EPB41L5: variants seen among roughly 807,000 people sequenced by gnomAD.
The protein encoded by EPB41L5 is erythrocyte membrane protein band 4.1 like 5.
In EPB41L5, 55 loss-of-function variants were observed where a neutral mutation model predicts 106.6. The observed-to-expected ratio is 0.52, with a 90% CI of 0.42 to 0.65. The LOEUF (loss-of-function observed/expected upper bound fraction) is 0.65. Ranked by LOEUF, EPB41L5 falls within the 30% of genes least tolerant of loss-of-function variation. The probability of loss-of-function intolerance (pLI) is 0.00; values close to 1 mark genes in which losing one functional copy is unlikely to be tolerated. For synonymous variants in EPB41L5, 297 were observed against 306.7 expected (o/e 0.97, Z 0.33); for missense variants, 871 against 882.1 (o/e 0.99, Z 0.16).
chr2:120,115,355 T>C (rs1684899339), intron 16 of EPB41L5, among the ~76,000 whole-genome samples: 1 of 152,190 alleles, frequency 6.6e-6, no homozygotes, highest in Admixed American at 6.5e-5. Context: ...TTGTGTTAAG[T>C]AGATATGTTC....
intron 1 of EPB41L5, among the ~76,000 whole-genome samples, chr2:120,018,515 T>G (rs1381990086): frequency 6.6e-6 from 1 of 152,212 alleles, no homozygotes; most frequent in Non-Finnish European, 1.5e-5. Context: ...CTTTTTAAAT[T>G]AATTAATTTA....
rs557706733 is a variant in EPB41L5, at chr2:120,080,231, T to C, written c.803+1650T>C. ...CGATTAACTCGTCATTTACATTAGG[T>C]ATATCTCCTAATGCTATCCCTCCCC... On this transcript the variant is annotated intron_variant, in intron 10 of 24. Transcript: ENST00000263713. 3.9e-5 allele frequency among the ~76,000 whole-genome samples: 6 copies of C among 152,140 alleles called. No homozygotes were observed. In the East Asian group the frequency reaches 9.7e-4, roughly 25 times the overall value.
chr2:120,019,500 CAG>C lies in EPB41L5; in HGVS notation c.180+237_180+238del, dbSNP rs1391307274. Among the ~76,000 whole-genome samples, 6 of 152,254 alleles carry C rather than the reference CAG, an allele frequency of 3.9e-5. No homozygotes were observed. In the East Asian group the frequency reaches 1.2e-3, roughly 29 times the overall value. ...GCGATTACCTGAAACATTTAAATGA[CAG>C]GGCAGTTATTGGCATGAGTCTGTTT... On this transcript the variant is annotated intron_variant, in intron 2 of 24. Transcript: ENST00000263713.
chr2:120,106,780 A>G (rs2105415923), intron 16 of EPB41L5: 3 of 985,428 alleles, frequency 3.0e-6, no homozygotes, highest in Admixed American at 6.1e-5. Context: ...TCATAAGATC[A>G]TCGTCTCTTT....
At chr2:120,141,108 G>A (rs1686154686) in intron 18 of EPB41L5, among the ~76,000 whole-genome samples, 2 of 152,082 alleles carry the variant, frequency 1.3e-5, no homozygotes, top group African/African-American at 2.4e-5. Flanking sequence ...CCTGCATTAT[G>A]CAGGATTTAT....
intron 18 of EPB41L5, among the ~76,000 whole-genome samples, chr2:120,135,711 G>T (rs1188384482): frequency 5.3e-5 from 8 of 152,012 alleles, no homozygotes; most frequent in Non-Finnish European, 4.4e-5. Flanking sequence ...TTAAAGTGAA[G>T]TAAAAATTTT....
chr2:120,064,374 G>A (rs1359027547), intron 3 of EPB41L5, among the ~76,000 whole-genome samples: 1 of 152,142 alleles, frequency 6.6e-6, no homozygotes, highest in African/African-American at 2.4e-5. Flanking sequence ...TTCTTTATTA[G>A]AGACATGTAG....
chr2:120,029,593 CTGT>C (rs1390014875), intron 2 of EPB41L5, among the ~76,000 whole-genome samples: 1 of 152,056 alleles, frequency 6.6e-6, no homozygotes, highest in Non-Finnish European at 1.5e-5. Context: ...TATAATACAC[CTGT>C]TGTTGTTTTT....
chr2:120,059,183 A>G (rs1680862621), intron 3 of EPB41L5, among the ~76,000 whole-genome samples: 1 of 152,234 alleles, frequency 6.6e-6, no homozygotes, highest in South Asian at 2.1e-4. Flanking sequence ...AAAGTAATTC[A>G]GTGGAAGAAT....
chr2:120,044,051 G>C (rs910977142), intron 3 of EPB41L5, among the ~76,000 whole-genome samples: 1 of 150,518 alleles, frequency 6.6e-6, no homozygotes, highest in Non-Finnish European at 1.5e-5. Flanking sequence ...GAGGTGGGAG[G>C]ATCGCATGAG....
chr2:120,175,430 T>G lies in EPB41L5; in HGVS notation c.*523T>G, dbSNP rs1687884744. The G allele has an allele frequency of 6.5e-6, 1 of 153,772 alleles. No homozygotes were observed. The highest frequency in any genetic ancestry group is 6.4e-5 in the Admixed American group (1 of 15,710). The allele number at this position is 153,772 out of a possible 1,614,324, so 9.5% of individuals were successfully genotyped here. A position where few individuals can be genotyped will look rare whatever the true frequency, so the allele number is the denominator to read the frequency against. On this transcript the variant is annotated 3_prime_UTR_variant, in exon 25 of 25. Transcript: ENST00000263713. ...GACTTAGGGCCAACTTTTTTTTTTTTTTACAATTATTACAACACTAAAGAG... is the reference window on the plus strand; with the variant it reads ...GACTTAGGGCCAACTTTTTTTTTTTGTTACAATTATTACAACACTAAAGAG...
At chr2:120,071,287 C>G (rs1489766859) in intron 3 of EPB41L5, among the ~76,000 whole-genome samples, 1 of 152,126 alleles carries the variant, frequency 6.6e-6, no homozygotes, top group Non-Finnish European at 1.5e-5. Context: ...TGTGGAGGAC[C>G]TCTTGAAGGA....
intron 16 of EPB41L5, among the ~76,000 whole-genome samples, chr2:120,103,309 T>C (rs1684258205): frequency 6.6e-6 from 1 of 152,202 alleles, no homozygotes; most frequent in African/African-American, 2.4e-5. Context: ...ACTGCATGTA[T>C]GCATGTTTCA....
At chr2:120,104,689 C>T in intron 16 of EPB41L5, 1 of 981,808 alleles carries the variant, frequency 1.0e-6, no homozygotes, top group South Asian at 4.7e-5. Context: ...TTATTAAAAA[C>T]TTGTTCTTAT....
At chr2:120,039,295 T>TG (rs943567897) in intron 2 of EPB41L5, among the ~76,000 whole-genome samples, 5 of 152,036 alleles carry the variant, frequency 3.3e-5, no homozygotes, top group African/African-American at 4.8e-5. Context: ...AAGTGGGGGA[T>TG]GATTTTTTTA....
chr2:120,170,697 C>T (rs534485470), intron 24 of EPB41L5, among the ~76,000 whole-genome samples: 3 of 152,302 alleles, frequency 2.0e-5, no homozygotes, highest in South Asian at 2.1e-4. Flanking sequence ...AGTCACAAGT[C>T]CTTTCCACAC....
In EPB41L5 at chr2:120,075,518, A is replaced by C. The variant is rs781478155; in HGVS notation, c.450A>C (p.Gly150=). The C allele has an allele frequency of 2.6e-6, 4 of 1,559,504 alleles. No homozygotes were observed. In the South Asian group the frequency reaches 3.4e-5, roughly 13 times the overall value. ...AGTTAAAACAAGATATTCTCAGTGGAAAGTGAGTATTAGTTATTTAAGGAT... is the reference window on the plus strand; with the variant it reads ...AGTTAAAACAAGATATTCTCAGTGGCAAGTGAGTATTAGTTATTTAAGGAT... ...VLQLKQDILS[G]KLDCPFDTAV... Residue 150 remains glycine (G), a splice_region_variant and synonymous_variant, in exon 6 of 25, where the codon GGA becomes GGC. Transcript: ENST00000263713.
chr2:120,032,618 T>A lies in EPB41L5; in HGVS notation c.181-9388T>A, dbSNP rs547007657. On this transcript the variant is annotated intron_variant, in intron 2 of 24. Transcript: ENST00000263713. Reference sequence around the variant, plus strand: ...CTTCTGACTCTTGCCTACAGTCTTTTCTTTCCTAAACCCTTCCTTAGACTG... The same window carrying A: ...CTTCTGACTCTTGCCTACAGTCTTTACTTTCCTAAACCCTTCCTTAGACTG... Among the ~76,000 whole-genome samples the A allele has an allele frequency of 4.7e-4, 72 of 152,326 alleles. 1 individual carries two copies. Among genetic ancestry groups the A allele is most frequent in the Admixed American group, 9.2e-4 (14 of 15,298 alleles).
chr2:120,162,679 T>C (rs993751472), intron 21 of EPB41L5, among the ~76,000 whole-genome samples: 2 of 152,196 alleles, frequency 1.3e-5, no homozygotes, highest in Admixed American at 6.5e-5. Flanking sequence ...TTATTGCATA[T>C]ATAGTATGTA....
Sources: allele counts gnomAD v4.1 joint callset (sites outside exome capture counted in the v4.1 genomes callset), GRCh38; gene constraint gnomAD v4.1.1; transcripts MANE v1.5; gene names NCBI Gene and HGNC (gene_info 2026-07-23, HGNC 2026-07-21).